GPHN: variants seen among roughly 807,000 people sequenced by gnomAD.
GPHN encodes the protein gephyrin.
In GPHN, 17 loss-of-function variants were observed where a neutral mutation model predicts 95.5. The observed-to-expected ratio is 0.18, with a 90% CI of 0.12 to 0.27. The LOEUF (loss-of-function observed/expected upper bound fraction) is 0.27, where lower values mean the gene tolerates loss of function less well. GPHN is among the 10% of genes least tolerant of loss of function. The pLI is 1.00. For missense variants in GPHN, 660 were observed against 978.1 expected (o/e 0.67, Z 4.34); for synonymous variants, 320 against 322.5 (o/e 0.99, Z 0.08).
intron 18 of GPHN, among the ~76,000 whole-genome samples, chr14:67,157,567 T>A (rs370965905): frequency 2.0e-4 from 31 of 152,290 alleles, no homozygotes; most frequent in African/African-American, 7.2e-4. Context: ...TTCACACCTG[T>A]AATTCCAACA....
chr14:66,554,467 G>A (rs540456117), intron 1 of GPHN, among the ~76,000 whole-genome samples: 33 of 152,238 alleles, frequency 2.2e-4, no homozygotes, highest in African/African-American at 7.7e-4. Context: ...ACTTATAATC[G>A]TGGCGGAAGG....
At chr14:67,377,845 T>C in the GPHN span, among the ~76,000 whole-genome samples, 2 of 152,052 alleles carry the variant, frequency 1.3e-5, no homozygotes, top group African/African-American at 4.8e-5. Flanking sequence ...TGGTAGCTCA[T>C]GCCTGTAATC....
At chr14:66,893,853 A>G (rs925136678) in intron 5 of GPHN, among the ~76,000 whole-genome samples, 9 of 152,168 alleles carry the variant, frequency 5.9e-5, no homozygotes. Flanking sequence ...ACTGCTCAAC[A>G]AAATAAAAGA....
the GPHN span, chr14:67,587,752 T>C: frequency 6.1e-6 from 1 of 162,646 alleles, no homozygotes; most frequent in Non-Finnish European, 1.3e-5. Context: ...TTCACCATGT[T>C]GGCCAGGCTG....
the GPHN span, among the ~76,000 whole-genome samples, chr14:67,428,535 A>G: frequency 6.6e-6 from 1 of 152,318 alleles, no homozygotes; most frequent in South Asian, 2.1e-4. Context: ...AAAGTTAAGT[A>G]CTTTGTCCAA....
At chr14:67,562,485 G>A in the GPHN span, 2 of 1,613,498 alleles carry the variant, frequency 1.2e-6, no homozygotes, top group South Asian at 2.2e-5. Flanking sequence ...TGGGGTGAGG[G>A]TCTGGTTACT....
chr14:66,626,861 G>A (rs541221023), intron 1 of GPHN, among the ~76,000 whole-genome samples: 1 of 152,032 alleles, frequency 6.6e-6, no homozygotes, highest in Admixed American at 6.6e-5. Flanking sequence ...AGCTGATAAT[G>A]TAAATGAAGA....
At chr14:66,885,628 G>GTACCTACAT (rs2064148774) in intron 5 of GPHN, among the ~76,000 whole-genome samples, 1 of 152,020 alleles carries the variant, frequency 6.6e-6, no homozygotes, top group Admixed American at 6.6e-5. Flanking sequence ...GGATTTATAA[G>GTACCTACAT]GACAGTACCT....
chr14:67,725,232 C>G, the GPHN span: 2 of 1,613,588 alleles, frequency 1.2e-6, no homozygotes, highest in Non-Finnish European at 1.7e-6. Flanking sequence ...CTATCCGAGC[C>G]TTTGCTGAGG....
At chr14:66,634,145 T>A (rs1005472965) in intron 1 of GPHN, among the ~76,000 whole-genome samples, 1 of 152,098 alleles carries the variant, frequency 6.6e-6, no homozygotes, top group Non-Finnish European at 1.5e-5. Flanking sequence ...AGAATTATTG[T>A]GTTGTTTTGG....
intron 1 of GPHN, among the ~76,000 whole-genome samples, chr14:66,588,703 A>C (rs2061519570): frequency 6.6e-6 from 1 of 152,160 alleles, no homozygotes; most frequent in African/African-American, 2.4e-5. Context: ...AATGAAAAGG[A>C]AACAAGCCTC....
At chr14:67,526,992 A>C in the GPHN span, among the ~76,000 whole-genome samples, 1 of 152,218 alleles carries the variant, frequency 6.6e-6, no homozygotes, top group African/African-American at 2.4e-5. Flanking sequence ...AGGCCAAGCC[A>C]CTAGGGGCAG....
At position 66,553,305 on chromosome 14, in the gene GPHN, A is replaced by T. The variant is rs950888163; in HGVS notation, c.64+44714A>T. On this transcript the variant is annotated intron_variant, in intron 1 of 22. Transcript: ENST00000478722. ...CGCACCTGGCCCTAAACTTCTTAAA[A>T]GTTGGTGTTTTTCATCATATTTGAG... Among the ~76,000 whole-genome samples the T allele has an allele frequency of 2.0e-5, 3 of 152,078 alleles. No individual in the cohort carries two copies. The South Asian group carries it at 6.2e-4, about 32-fold the overall frequency.
intron 1 of GPHN, among the ~76,000 whole-genome samples, chr14:66,605,764 C>T (rs2062500025): frequency 6.6e-6 from 1 of 152,006 alleles, no homozygotes; most frequent in Admixed American, 6.6e-5. Context: ...GATCTCCTGA[C>T]CTCTTGATCT....
At chr14:66,525,898 A>G (rs912039395) in intron 1 of GPHN, among the ~76,000 whole-genome samples, 6 of 151,986 alleles carry the variant, frequency 3.9e-5, no homozygotes, top group Non-Finnish European at 7.4e-5. Context: ...GCCTTGTAGT[A>G]TAGTTTGAAG....
the GPHN span, among the ~76,000 whole-genome samples, chr14:67,459,542 G>A: frequency 1.3e-5 from 2 of 152,192 alleles, no homozygotes; most frequent in Non-Finnish European, 2.9e-5. Flanking sequence ...TCACCATGCA[G>A]GTCACACCCT....
chr14:66,631,325 G>T (rs2063800679), intron 1 of GPHN, among the ~76,000 whole-genome samples: 1 of 152,156 alleles, frequency 6.6e-6, no homozygotes, highest in African/African-American at 2.4e-5. Context: ...GGGATTACAG[G>T]CATGAGCCAC....
chr14:66,967,883 A>G (rs1187062574), intron 9 of GPHN, among the ~76,000 whole-genome samples: 3 of 151,874 alleles, frequency 2.0e-5, no homozygotes, highest in Non-Finnish European at 4.4e-5. Flanking sequence ...ACCAAATGTG[A>G]GCTTTTGTGC....
intron 20 of GPHN, among the ~76,000 whole-genome samples, chr14:67,166,266 A>G (rs1031523132): frequency 6.6e-6 from 1 of 152,244 alleles, no homozygotes; most frequent in African/African-American, 2.4e-5. Flanking sequence ...TATCTGTAAC[A>G]TGAAACGCCT....
Sources: allele counts gnomAD v4.1 joint callset (sites outside exome capture counted in the v4.1 genomes callset), GRCh38; gene constraint gnomAD v4.1.1; transcripts MANE v1.5; gene names NCBI Gene and HGNC (gene_info 2026-07-23, HGNC 2026-07-21).